TLL2: variants seen among roughly 807,000 people sequenced by gnomAD.
TLL2 encodes tolloid-like protein 2.
A neutral mutation model predicts 123.0 loss-of-function variants in TLL2; 106 were observed. That is an observed-to-expected ratio of 0.86 (90% CI 0.74 to 1.01). TLL2 has a LOEUF of 1.01. Ranked by LOEUF, TLL2 falls within the 50% of genes least tolerant of loss-of-function variation. The probability of loss-of-function intolerance (pLI) is 0.00; values close to 1 mark genes in which losing one functional copy is unlikely to be tolerated. For synonymous variants in TLL2, 494 were observed against 516.8 expected, an observed-to-expected ratio of 0.96 and a Z score of 0.60; for missense variants, 1,332 against 1,336.7, an observed-to-expected ratio of 1.00 and a Z score of 0.06.
chr10:96,366,570 T>A lies in TLL2; in HGVS notation c.*1518A>T, dbSNP rs1203674830. ...TAGTTTTTGCTCCCAGCAATCACTT[T>A]AATGAGACACAGTCCTCTGGTGCCA... On this transcript the variant is annotated 3_prime_UTR_variant, in exon 21 of 21. Transcript: ENST00000357947. The A allele has an allele frequency of 6.6e-6, 1 of 152,656 alleles. No homozygotes were observed. Among genetic ancestry groups the A allele is most frequent in the Non-Finnish European group, 1.5e-5 (1 of 68,048 alleles). 9.5% of individuals were successfully genotyped at this position (152,656 alleles called of 1,614,324 possible).
At chr10:96,474,698 G>A (rs1467255044) in intron 2 of TLL2, among the ~76,000 whole-genome samples, 4 of 152,174 alleles carry the variant, frequency 2.6e-5, no homozygotes, top group Non-Finnish European at 5.9e-5. Flanking sequence ...GCTCTAAACA[G>A]CACAGCAGTA....
At chr10:96,440,788 G>A (rs773033549) in intron 3 of TLL2, among the ~76,000 whole-genome samples, 1 of 152,188 alleles carries the variant, frequency 6.6e-6, no homozygotes, top group Admixed American at 6.5e-5. Context: ...TTGGTCCAGT[G>A]AGAAATTTAA....
rs144979745 is a variant in TLL2 at position 96,476,074 on chromosome 10, C to A, written c.286+4275G>T. On this transcript the variant is annotated intron_variant, in intron 2 of 20. Coordinates refer to ENST00000357947, the MANE Select transcript of TLL2 (RefSeq NM_012465.4). ...GTAAATTGCCCAGTCTCGGGTACACCTTTATCAGCAGAGTAAAAATAGACT... is the reference window on the plus strand; with the variant it reads ...GTAAATTGCCCAGTCTCGGGTACACATTTATCAGCAGAGTAAAAATAGACT... Among the ~76,000 whole-genome samples the A allele has an allele frequency of 6.0e-3, 915 of 151,628 alleles. 10 individuals are homozygous for A. Among genetic ancestry groups the A allele is most frequent in the African/African-American group, 0.021 (853 of 41,318 alleles).
Position 96,388,273 on chromosome 10 carries a change from T to C in TLL2, c.1727-1195A>G, listed in dbSNP as rs557279069. On this transcript the variant is annotated intron_variant, in intron 13 of 20. Transcript: ENST00000357947. The stretch of plus-strand genomic sequence containing the variant: ...AAAATTAGCCGGGAGTGGTGGTGCA[T>C]GCCTGTAATCCCAGCTACTCGGGAA... Among the ~76,000 whole-genome samples the C allele has an allele frequency of 2.0e-5, 3 of 152,220 alleles. No individual in the cohort carries two copies. In the East Asian group the frequency reaches 5.8e-4, roughly 29 times the overall value.
Position 96,370,129 on chromosome 10 carries a change from T to C in TLL2, c.2849A>G (p.Tyr950Cys). The C allele has an allele frequency of 1.2e-6, 2 of 1,613,908 alleles. No homozygotes were observed. Among genetic ancestry groups the C allele is most frequent in the Non-Finnish European group, 1.7e-6 (2 of 1,179,924 alleles). The change falls in exon 20 of 21, where the codon TAC becomes TGC. Residue 950 changes from tyrosine (Y) to cysteine (C), a missense_variant. Transcript: ENST00000357947. ...GTCGTAGCCGTCGTAGGCTTCCATG[T>C]AGTCGTAGCCGCAGTCGGCCTCCTC... The part of the protein sequence containing the change: ...VEEEADCGYD[Y>C]MEAYDGYDSS...
At chr10:96,404,061 T>C (rs1420548798) in intron 10 of TLL2, among the ~76,000 whole-genome samples, 2 of 152,094 alleles carry the variant, frequency 1.3e-5, no homozygotes, top group Non-Finnish European at 2.9e-5. Context: ...ACATTCCTTT[T>C]TGCTGAAATA....
At chr10:96,406,386 G>A (rs151286354) in intron 9 of TLL2, among the ~76,000 whole-genome samples, 3 of 152,018 alleles carry the variant, frequency 2.0e-5, no homozygotes, top group East Asian at 1.9e-4. Flanking sequence ...GCTCCATCAC[G>A]TCTCCACTCT....
intron 5 of TLL2, among the ~76,000 whole-genome samples, chr10:96,423,273 G>T (rs765796420): frequency 6.6e-6 from 1 of 152,010 alleles, no homozygotes; most frequent in Non-Finnish European, 1.5e-5. Context: ...TTCTTGAAAA[G>T]CCAACAAAAG....
chr10:96,506,111 G>A (rs539585486), intron 1 of TLL2, among the ~76,000 whole-genome samples: 1 of 151,936 alleles, frequency 6.6e-6, no homozygotes, highest in Non-Finnish European at 1.5e-5. Flanking sequence ...AATTAGCCAG[G>A]CATGGTGGCG....
Position 96,422,709 on chromosome 10 carries a change from C to T in TLL2, c.657G>A (p.Gly219=), listed in dbSNP as rs1846637824. ...TGGCCTGTGGGCCTCCTCCTCGGCG[C>T]CCAACATAGGAGCAACAGCTGGACA... The part of the protein sequence containing the change: ...YRTCGCCSYV[G]RRGGGPQAIS... The change falls in exon 6 of 21, where the codon GGG becomes GGA. Residue 219 remains glycine (G), a synonymous_variant. Coordinates refer to ENST00000357947, the MANE Select transcript of TLL2 (RefSeq NM_012465.4). 1.9e-6 allele frequency: 3 copies of T among 1,614,168 alleles called. No homozygotes were observed. The highest frequency in any genetic ancestry group is 2.5e-6 in the Non-Finnish European group (3 of 1,180,028).
chr10:96,370,857 C>A (rs916978593), intron 19 of TLL2, among the ~76,000 whole-genome samples: 7 of 152,184 alleles, frequency 4.6e-5, no homozygotes, highest in Non-Finnish European at 1.5e-5. Flanking sequence ...TGACTATAGG[C>A]CAACTTTGAG....
chr10:96,480,987 C>G (rs1847307203), intron 1 of TLL2, among the ~76,000 whole-genome samples: 1 of 152,156 alleles, frequency 6.6e-6, no homozygotes, highest in African/African-American at 2.4e-5. Flanking sequence ...TTTGCCCTGT[C>G]CCAGAAGACA....
intron 2 of TLL2, among the ~76,000 whole-genome samples, chr10:96,447,783 C>T (rs958603633): frequency 6.6e-6 from 1 of 152,186 alleles, no homozygotes; most frequent in African/African-American, 2.4e-5. Flanking sequence ...TCCCCTTTAA[C>T]CCTTATCAGA....
chr10:96,507,579 T>A (rs1034804918), intron 1 of TLL2, among the ~76,000 whole-genome samples: 5 of 152,230 alleles, frequency 3.3e-5, no homozygotes, highest in Admixed American at 2.6e-4. Flanking sequence ...TATATCATTA[T>A]ATACTTGCCT....
intron 1 of TLL2, among the ~76,000 whole-genome samples, chr10:96,512,731 G>GC (rs1358184463): frequency 6.6e-6 from 1 of 152,230 alleles, no homozygotes; most frequent in East Asian, 1.9e-4. Flanking sequence ...CATGCGCTTG[G>GC]CCCTTCGGAG....
intron 9 of TLL2, among the ~76,000 whole-genome samples, chr10:96,407,270 TC>T (rs1295428281): frequency 6.6e-6 from 1 of 151,900 alleles, no homozygotes; most frequent in Admixed American, 6.6e-5. Flanking sequence ...TGCTCAAGTG[TC>T]CCCCTCCTCG....
intron 2 of TLL2, among the ~76,000 whole-genome samples, chr10:96,461,703 G>A (rs1228120824): frequency 2.6e-5 from 4 of 152,200 alleles, no homozygotes; most frequent in African/African-American, 9.7e-5. Context: ...CTTCCATGAA[G>A]CCATCTCTGT....
At chr10:96,379,396 A>T (rs1846166349) in intron 16 of TLL2, among the ~76,000 whole-genome samples, 1 of 152,240 alleles carries the variant, frequency 6.6e-6, no homozygotes, top group Non-Finnish European at 1.5e-5. Flanking sequence ...CACAATAGTA[A>T]CAATAATAAC....
intron 1 of TLL2, among the ~76,000 whole-genome samples, chr10:96,507,492 T>G (rs1437859888): frequency 6.6e-6 from 1 of 152,014 alleles, no homozygotes; most frequent in Non-Finnish European, 1.5e-5. Flanking sequence ...ATTGCAAAAA[T>G]TCAATTTCCT....
Sources: gnomAD v4.1 joint callset for allele counts (sites outside exome capture counted in the v4.1 genomes callset) on GRCh38, gnomAD v4.1.1 for gene constraint, MANE v1.5 for transcripts, NCBI Gene and HGNC (gene_info 2026-07-23, HGNC 2026-07-21) for gene names.